Variants in MGAM2 observed in about 807,000 individuals in gnomAD.
The protein encoded by MGAM2 is probable maltase-glucoamylase 2.
Under a neutral mutation model 96.1 loss-of-function variants are expected in MGAM2, and 98 were observed. The observed-to-expected ratio is 1.02, with a 90% CI of 0.87 to 1.21. The LOEUF (loss-of-function observed/expected upper bound fraction) is 1.21. Ranked by LOEUF, MGAM2 falls within the 50% of genes most tolerant of loss-of-function variation. The pLI is 0.00. For synonymous variants in MGAM2, 749 were observed against 414.8 expected, an observed-to-expected ratio of 1.81 and a Z score of -9.79; for missense variants, 2,055 against 1,182.4, an observed-to-expected ratio of 1.74 and a Z score of -10.82.
intron 26 of MGAM2, 44 bp from the exon 27 acceptor site, chr7:142,170,031 G>A (rs1347139889): frequency 4.5e-6 from 3 of 673,270 alleles, no homozygotes; most frequent in Non-Finnish European, 8.1e-6. Flanking sequence ...AGGGGTTTTA[G>A]GTCTGAGACC....
In MGAM2 at chr7:142,222,027, G is replaced by A. The variant is rs1010538841; in HGVS notation, c.7516G>A (p.Ala2506Thr). Residue 2506 changes from alanine (A) to threonine (T), a missense_variant, in exon 48 of 48, where the codon GCA becomes ACA. Transcript: ENST00000477922. ...HTSATAPTYI[A>T]NAINATQVP The stretch of plus-strand genomic sequence containing the variant: ...CTCTGCTACTGCACCTACTTATATT[G>A]CAAATGCCATAAATGCTACTCAAGT... The A allele has an allele frequency of 2.3e-5, 9 of 398,286 alleles. No individual in the cohort carries two copies. The highest frequency in any genetic ancestry group is 3.1e-5 in the Non-Finnish European group (7 of 225,828). 24.7% of individuals were successfully genotyped at this position (398,286 alleles called of 1,614,324 possible).
chr7:142,178,124 A>G (rs1274625457), intron 32 of MGAM2, among the ~76,000 whole-genome samples: 2 of 152,036 alleles, frequency 1.3e-5, no homozygotes, highest in Non-Finnish European at 2.9e-5. Flanking sequence ...TATGCTCAGC[A>G]TTTTTTCAAA....
chr7:142,179,547 T>G (rs1796476326), intron 32 of MGAM2, among the ~76,000 whole-genome samples: 1 of 152,180 alleles, frequency 6.6e-6, no homozygotes, highest in Non-Finnish European at 1.5e-5. Flanking sequence ...GCCTAATTTC[T>G]TAAGGGTTTT....
intron 33 of MGAM2, 107 bp downstream of exon 33, chr7:142,183,480 A>G: frequency 1.6e-6 from 1 of 625,392 alleles, no homozygotes; most frequent in South Asian, 1.9e-5. Flanking sequence ...ATAAATTATG[A>G]ATGAGTAGAA....
intron 46 of MGAM2, among the ~76,000 whole-genome samples, chr7:142,212,843 C>T (rs1797631295): frequency 6.6e-6 from 1 of 152,176 alleles, no homozygotes; most frequent in African/African-American, 2.4e-5. Flanking sequence ...ATGTAATAGA[C>T]ATCTACAGAA....
At chr7:142,147,596 A>G (rs1457774964) in intron 15 of MGAM2, 23 bp downstream of exon 15, 3 of 695,938 alleles carry the variant, frequency 4.3e-6, no homozygotes, top group Admixed American at 2.0e-5. Context: ...TTTTCACCCT[A>G]ATTCCAGATA....
chr7:142,113,344 A>T (rs1817239012), intron 1 of MGAM2, among the ~76,000 whole-genome samples: 1 of 152,134 alleles, frequency 6.6e-6, no homozygotes, highest in African/African-American at 2.4e-5. Context: ...TTGATCACAA[A>T]GCTAAAGGGT....
chr7:142,126,011 A>G (rs1794725353), intron 3 of MGAM2, among the ~76,000 whole-genome samples: 1 of 152,072 alleles, frequency 6.6e-6, no homozygotes, highest in Admixed American at 6.5e-5. Flanking sequence ...GCATCTATAT[A>G]TTTATTTTGT....
chr7:142,184,258 C>T (rs1585196816), intron 33 of MGAM2, among the ~76,000 whole-genome samples: 2 of 152,200 alleles, frequency 1.3e-5, no homozygotes, highest in East Asian at 3.9e-4. Context: ...CAGGCGTAAG[C>T]CACTGTGCCT....
At chr7:142,123,436 C>T (rs2129074967) in intron 3 of MGAM2, among the ~76,000 whole-genome samples, 1 of 152,248 alleles carries the variant, frequency 6.6e-6, no homozygotes, top group East Asian at 1.9e-4. Flanking sequence ...TAGTAGTATA[C>T]AGGAGTTCAT....
chr7:142,152,372 T>G (rs1165580494), intron 15 of MGAM2, among the ~76,000 whole-genome samples: 1 of 152,182 alleles, frequency 6.6e-6, no homozygotes, highest in Non-Finnish European at 1.5e-5. Flanking sequence ...TGTCGGCCAG[T>G]CTACATTAAA....
intron 15 of MGAM2, among the ~76,000 whole-genome samples, chr7:142,153,525 T>C (rs1016157800): frequency 6.6e-5 from 10 of 152,310 alleles, no homozygotes; most frequent in Non-Finnish European, 1.5e-4. Flanking sequence ...AGGGATAAGT[T>C]CTGAAGTTTC....
At chr7:142,204,527 C>T (rs925228103) in intron 45 of MGAM2, among the ~76,000 whole-genome samples, 1 of 151,974 alleles carries the variant, frequency 6.6e-6, no homozygotes, top group Non-Finnish European at 1.5e-5. Context: ...ATCTCAGTAA[C>T]TTTCTAGTTG....
At position 142,157,946 on chromosome 7, in the gene MGAM2, C is replaced by G. The variant is rs1359007556; in HGVS notation, c.1933C>G (p.Pro645Ala). The G allele has an allele frequency of 1.4e-6, 1 of 702,784 alleles. No homozygotes were observed. The highest frequency in any genetic ancestry group is 1.7e-5 in the African/African-American group (1 of 57,250). 43.5% of individuals were successfully genotyped at this position (702,784 alleles called of 1,614,324 possible). The change falls in exon 18 of 48, where the codon CCC becomes GCC. Residue 645 changes from proline to alanine, a missense_variant. Transcript: ENST00000477922. ...TTCCATTTTCTCCTAGGACCAGGAT[C>G]CCGCTGCCTTTGGTGTTGATTCCCT... ...HNGPGFRDQD[P>A]AAFGVDSLLL...
chr7:142,218,195 C>T (rs1797821386), intron 46 of MGAM2, among the ~76,000 whole-genome samples, 166 bp from the exon 47 acceptor site: 2 of 152,006 alleles, frequency 1.3e-5, no homozygotes, highest in South Asian at 4.2e-4. Context: ...CACATGTTCT[C>T]CATAAATATG....
intron 37 of MGAM2, among the ~76,000 whole-genome samples, chr7:142,190,373 G>T (rs1796834335): frequency 6.6e-6 from 1 of 150,562 alleles, no homozygotes; most frequent in Non-Finnish European, 1.5e-5. Flanking sequence ...CTGGGTTCAG[G>T]TGATTCTCCA....
Position 142,197,458 on chromosome 7 carries a change from A to G in MGAM2, c.4691A>G (p.Glu1564Gly). The change falls in exon 41 of 48, where the codon GAG becomes GGG. Residue 1564 changes from glutamate to glycine, a missense_variant. Glu to Gly is a moderately conservative substitution (Grantham distance 98). Coordinates refer to ENST00000477922, the MANE Select transcript of MGAM2 (RefSeq NM_001293626.2). ...GAGATGTTGTCCAGAAAAGTCCTAG[A>G]GACCAGATATACCCTGCTTCCTTAT... ...TFEMLSRKVL[E>G]TRYTLLPYLY... The G allele has an allele frequency of 1.4e-6, 1 of 703,042 alleles. No individual in the cohort carries two copies. The highest frequency in any genetic ancestry group is 2.6e-6 in the Non-Finnish European group (1 of 385,016). The allele number at this position is 703,042 out of a possible 1,614,324, so 43.6% of individuals were successfully genotyped here. A position where few individuals can be genotyped will look rare whatever the true frequency, so the allele number is the denominator to read the frequency against.
chr7:142,120,418 G>T (rs1444553292), intron 3 of MGAM2, 37 bp downstream of exon 3: 5 of 699,054 alleles, frequency 7.2e-6, no homozygotes, highest in Non-Finnish European at 1.3e-5. Context: ...GGCCTACAGG[G>T]TGTTATTGAA....
chr7:142,113,790 C>T (rs1035701341), intron 1 of MGAM2, among the ~76,000 whole-genome samples: 30 of 152,006 alleles, frequency 2.0e-4, no homozygotes, highest in African/African-American at 5.8e-4. Context: ...AACGTGTCTG[C>T]GTAGTTTAAA....
Sources: allele counts gnomAD v4.1 joint callset (sites outside exome capture counted in the v4.1 genomes callset), GRCh38; gene constraint gnomAD v4.1.1; transcripts MANE v1.5; gene names NCBI Gene and HGNC (gene_info 2026-07-23, HGNC 2026-07-21).